ALDH1A2: variants seen among roughly 807,000 people sequenced by gnomAD.
The protein encoded by ALDH1A2 is retinal dehydrogenase 2.
A neutral mutation model predicts 60.3 loss-of-function variants in ALDH1A2; 27 were observed. The ratio of observed to expected loss-of-function variants is 0.45; its 90% CI spans 0.33 to 0.62. The LOEUF (loss-of-function observed/expected upper bound fraction) is 0.62, where lower values mean the gene tolerates loss of function less well. Among genes scored for constraint, ALDH1A2 ranks in the 20% least tolerant of loss-of-function variants. ALDH1A2 has a pLI of 0.02. For missense variants in ALDH1A2, 581 were observed against 643.8 expected, an observed-to-expected ratio of 0.90 and a Z score of 1.06; for synonymous variants, 289 against 232.4, an observed-to-expected ratio of 1.24 and a Z score of -2.21.
intron 3 of ALDH1A2, 104 bp from the exon 4 acceptor site, chr15:58,010,882 A>G (rs1895614257): frequency 1.5e-6 from 2 of 1,374,670 alleles, no homozygotes; most frequent in Admixed American, 3.6e-5. Context: ...ACAAATGCAT[A>G]TGGAGTTGCA....
At chr15:57,965,880 C>T (rs984634743) in intron 7 of ALDH1A2, 53 bp from the exon 8 acceptor site, 3 of 1,432,832 alleles carry the variant, frequency 2.1e-6, no homozygotes, top group East Asian at 4.6e-5. Context: ...GTGAGACAGT[C>T]ACCGGCCAAT....
At chr15:58,006,340 T>G (rs976952477) in intron 4 of ALDH1A2, among the ~76,000 whole-genome samples, 3 of 152,062 alleles carry the variant, frequency 2.0e-5, no homozygotes, top group African/African-American at 7.2e-5. Flanking sequence ...GCAAAGACCA[T>G]TATTTCATTC....
Position 57,993,059 on chromosome 15 carries a change from C to T in ALDH1A2, c.570G>A (p.Leu190=), listed in dbSNP as rs368422746. 6.2e-7 allele frequency: 1 copy of T among 1,612,476 alleles called. No homozygotes were observed. The highest frequency in any genetic ancestry group is 1.3e-5 in the African/African-American group (1 of 74,860). ...CGQIIPWNFP[L]LMFAWKIAPA... ...GAGCTATTTTCCAGGCAAACATCAGCAGGGGGAAGTTCCACTGAAAGGAAA... is the reference window on the plus strand; with the variant it reads ...GAGCTATTTTCCAGGCAAACATCAGTAGGGGGAAGTTCCACTGAAAGGAAA... Residue 190 remains leucine, a synonymous_variant, in exon 6 of 13, where the codon CTG becomes CTA. Coordinates refer to ENST00000249750, the MANE Select transcript of ALDH1A2 (RefSeq NM_003888.4).
At chr15:57,985,501 T>C (rs1894667146) in intron 7 of ALDH1A2, among the ~76,000 whole-genome samples, 1 of 152,208 alleles carries the variant, frequency 6.6e-6, no homozygotes, top group Non-Finnish European at 1.5e-5. Context: ...ATTAAACCAA[T>C]TTTGTACAAA....
At chr15:57,996,706 G>A (rs1448918992) in intron 4 of ALDH1A2, among the ~76,000 whole-genome samples, 1 of 151,796 alleles carries the variant, frequency 6.6e-6, no homozygotes, top group East Asian at 1.9e-4. Context: ...CTTGATCTAA[G>A]TGTATGTACA....
chr15:57,994,263 A>G (rs1195516243), intron 5 of ALDH1A2, among the ~76,000 whole-genome samples: 1 of 152,206 alleles, frequency 6.6e-6, no homozygotes, highest in South Asian at 2.1e-4. Context: ...AATAAATTTC[A>G]CAGTAACCTG....
chr15:58,019,532 A>C (rs1465338709), intron 1 of ALDH1A2, among the ~76,000 whole-genome samples: 2 of 152,236 alleles, frequency 1.3e-5, no homozygotes, highest in African/African-American at 4.8e-5. Context: ...TGGAAAATAT[A>C]GAAATGCTGA....
intron 7 of ALDH1A2, among the ~76,000 whole-genome samples, chr15:57,979,292 ATG>A (rs1894394891): frequency 6.6e-6 from 1 of 152,078 alleles, no homozygotes; most frequent in Non-Finnish European, 1.5e-5. Context: ...GGAAAAAAAA[ATG>A]TATTTTTCTT....
At chr15:58,028,845 G>T (rs527635118) in intron 1 of ALDH1A2, among the ~76,000 whole-genome samples, 14 of 152,124 alleles carry the variant, frequency 9.2e-5, no homozygotes, top group Non-Finnish European at 1.9e-4. Flanking sequence ...AACAAGAAGA[G>T]CTAACTATCC....
chr15:57,972,940 C>G (rs1157841341), intron 7 of ALDH1A2, among the ~76,000 whole-genome samples: 1 of 152,152 alleles, frequency 6.6e-6, no homozygotes, highest in African/African-American at 2.4e-5. Flanking sequence ...ATTCATGACT[C>G]AAGCAGTAGA....
intron 1 of ALDH1A2, among the ~76,000 whole-genome samples, chr15:58,015,378 G>A (rs1271719895): frequency 3.3e-5 from 5 of 152,202 alleles, no homozygotes; most frequent in African/African-American, 4.8e-5. Context: ...ATGAGCCCAT[G>A]TAGAAGGAGG....
intron 4 of ALDH1A2, among the ~76,000 whole-genome samples, chr15:58,000,192 C>T (rs1017811757): frequency 6.6e-6 from 1 of 151,846 alleles, no homozygotes; most frequent in Non-Finnish European, 1.5e-5. Context: ...ACAGGTAATC[C>T]AGAACTAAAA....
intron 1 of ALDH1A2, among the ~76,000 whole-genome samples, chr15:58,059,546 T>C (rs1435550771): frequency 6.6e-6 from 1 of 152,228 alleles, no homozygotes; most frequent in Non-Finnish European, 1.5e-5. Flanking sequence ...ACTTCCCACA[T>C]TTATGTATCA....
At position 58,050,454 on chromosome 15, in the gene ALDH1A2, C is replaced by T. The variant is rs184728277; in HGVS notation, c.117+15080G>A. 1.6e-3 allele frequency among the ~76,000 whole-genome samples: 248 copies of T among 152,178 alleles called. 1 individual carries two copies. Among genetic ancestry groups the T allele is most frequent in the Admixed American group, 0.011 (162 of 15,272 alleles). Reference sequence around the variant, plus strand: ...TAAGTATGGGAAATCATAGGGTATACTGATACTAAAAAACTAATTCATTAT... The same window carrying T: ...TAAGTATGGGAAATCATAGGGTATATTGATACTAAAAAACTAATTCATTAT... On this transcript the variant is annotated intron_variant, in intron 1 of 12. Coordinates refer to ENST00000249750, the MANE Select transcript of ALDH1A2 (RefSeq NM_003888.4).
At chr15:58,029,606 A>C (rs1265780200) in intron 1 of ALDH1A2, among the ~76,000 whole-genome samples, 1 of 151,698 alleles carries the variant, frequency 6.6e-6, no homozygotes, top group Non-Finnish European at 1.5e-5. Context: ...AAATCGATGA[A>C]TCCAGGAGCT....
chr15:57,988,490 A>G (rs1407172901), intron 7 of ALDH1A2, among the ~76,000 whole-genome samples: 1 of 152,246 alleles, frequency 6.6e-6, no homozygotes, highest in African/African-American at 2.4e-5. Context: ...AACAAAAATG[A>G]AAACACGAAG....
intron 7 of ALDH1A2, among the ~76,000 whole-genome samples, chr15:57,976,793 T>C (rs893351460): frequency 6.6e-5 from 10 of 152,186 alleles, no homozygotes; most frequent in African/African-American, 2.4e-4. Context: ...AATGCGATTG[T>C]TGGGTCAAAT....
At chr15:58,036,162 T>C (rs1896372608) in intron 1 of ALDH1A2, among the ~76,000 whole-genome samples, 4 of 151,888 alleles carry the variant, frequency 2.6e-5, no homozygotes, top group Middle Eastern at 3.4e-3. Context: ...TTATTGTCTA[T>C]GTAGAAATTC....
chr15:57,955,678 G>A (rs1355932679), intron 12 of ALDH1A2, among the ~76,000 whole-genome samples: 13 of 152,094 alleles, frequency 8.5e-5, no homozygotes, highest in Admixed American at 5.9e-4. Context: ...GTCTCTGAAC[G>A]CCTTGGCCAT....
Sources: gnomAD v4.1 joint callset for allele counts (sites outside exome capture counted in the v4.1 genomes callset) on GRCh38, gnomAD v4.1.1 for gene constraint, MANE v1.5 for transcripts, NCBI Gene and HGNC (gene_info 2026-07-23, HGNC 2026-07-21) for gene names.